SLFN12L: variants seen among roughly 807,000 people sequenced by gnomAD.
The protein encoded by SLFN12L is schlafen family member 12-like.
A neutral mutation model predicts 34.8 loss-of-function variants in SLFN12L; 34 were observed. That is an observed-to-expected ratio of 0.98 (90% CI 0.74 to 1.30). The LOEUF is 1.30. Ranked by LOEUF, SLFN12L falls within the 50% of genes most tolerant of loss-of-function variation. The probability of loss-of-function intolerance (pLI) is 0.00; values close to 1 mark genes in which losing one functional copy is unlikely to be tolerated. For missense variants in SLFN12L, 703 were observed against 696.2 expected (o/e 1.01, Z -0.11); for synonymous variants, 259 against 247.5 (o/e 1.05, Z -0.44).
rs745724479 is a variant in SLFN12L, at chr17:35,466,657, C to T, written c.*8266G>A. 6.6e-6 allele frequency among the ~76,000 whole-genome samples: 1 copy of T among 152,212 alleles called. No individual in the cohort carries two copies. The highest frequency in any genetic ancestry group is 2.4e-5 in the African/African-American group (1 of 41,452). On this transcript the variant is annotated 3_prime_UTR_variant, in exon 5 of 5. Coordinates refer to ENST00000628453, the MANE Select transcript of SLFN12L (RefSeq NM_001363830.2). The stretch of plus-strand genomic sequence containing the variant: ...GAGCTGTAACTCACAAATGAACCCA[C>T]TTTAAATGTGGCAGCCTCAAACAAA...
At chr17:35,531,494 A>G (rs568931503) in intron 1 of SLFN12L, among the ~76,000 whole-genome samples, 1 of 152,344 alleles carries the variant, frequency 6.6e-6, no homozygotes, top group African/African-American at 2.4e-5. Flanking sequence ...CATTTGTGAC[A>G]TACAAGCTTT....
intron 2 of SLFN12L, among the ~76,000 whole-genome samples, chr17:35,504,085 G>T (rs1915388229): frequency 6.6e-6 from 1 of 152,112 alleles, no homozygotes; most frequent in Non-Finnish European, 1.5e-5. Flanking sequence ...AGTCAATTTT[G>T]CCTCAAACTA....
chr17:35,511,362 G>T (rs1183961068), intron 2 of SLFN12L, among the ~76,000 whole-genome samples: 1 of 152,058 alleles, frequency 6.6e-6, no homozygotes, highest in African/African-American at 2.4e-5. Flanking sequence ...GCAAGAAGAT[G>T]GTAAAATAAA....
chr17:35,496,529 C>T lies in SLFN12L; in HGVS notation c.87-16334G>A, dbSNP rs560673230. Among the ~76,000 whole-genome samples, 174 of 145,442 alleles carry T rather than the reference C, an allele frequency of 1.2e-3. 1 individual carries two copies. The highest frequency in any genetic ancestry group is 2.1e-3 in the Non-Finnish European group (139 of 66,068). On this transcript the variant is annotated intron_variant, in intron 2 of 4. Transcript: ENST00000628453. ...TCCCCCCTCCCCACCGTCCCTCCGG[C>T]CCCTCCTTTCCCTTCCCTCCCCTCC...
At chr17:35,497,322 C>T (rs1388293245) in intron 2 of SLFN12L, among the ~76,000 whole-genome samples, 1 of 151,990 alleles carries the variant, frequency 6.6e-6, no homozygotes, top group African/African-American at 2.4e-5. Flanking sequence ...ACCCGGGAGG[C>T]GGAGGTTGCA....
intron 1 of SLFN12L, among the ~76,000 whole-genome samples, chr17:35,534,391 G>A (rs2142181567): frequency 6.6e-6 from 1 of 152,240 alleles, no homozygotes; most frequent in South Asian, 2.1e-4. Context: ...GGAAGCCATT[G>A]GAGGTTGTTA....
intron 2 of SLFN12L, chr17:35,491,191 G>A: frequency 1.1e-6 from 1 of 936,480 alleles, no homozygotes; most frequent in Middle Eastern, 2.2e-4. Context: ...TCTCTTTGAT[G>A]CCTATGATTT....
At position 35,479,497 on chromosome 17, in the gene SLFN12L, T is replaced by C. The variant is rs775648701; in HGVS notation, c.785A>G (p.Glu262Gly). The change falls in exon 3 of 5, where the codon GAG becomes GGG. Residue 262 changes from glutamate (E) to glycine (G), a missense_variant. Physicochemically the swap from Glu to Gly is moderately conservative, Grantham distance 98. Transcript: ENST00000628453. Reference sequence around the variant, plus strand: ...TGCAGAAACATATTGAGGGAGAATCTCTGTAATTCGTTGTAACAACTTTTC... The same window carrying C: ...TGCAGAAACATATTGAGGGAGAATCCCTGTAATTCGTTGTAACAACTTTTC... ...STEKLLQRIT[E>G]ILPQYVSAFA... 6.2e-7 allele frequency: 1 copy of C among 1,614,096 alleles called. No individual in the cohort carries two copies. Among genetic ancestry groups the C allele is most frequent in the African/African-American group, 1.3e-5 (1 of 74,942 alleles).
intron 1 of SLFN12L, among the ~76,000 whole-genome samples, chr17:35,530,511 A>AG (rs2072397006): frequency 5.2e-5 from 2 of 38,582 alleles, no homozygotes; most frequent in East Asian, 4.9e-4. Context: ...AAAGAAAGAA[A>AG]GAAAAGAAAA....
intron 2 of SLFN12L, among the ~76,000 whole-genome samples, chr17:35,489,709 A>G (rs1050300669): frequency 6.6e-6 from 1 of 152,176 alleles, no homozygotes; most frequent in Non-Finnish European, 1.5e-5. Context: ...AAGGAACATC[A>G]CATGATCATT....
rs1276547288 is a variant in SLFN12L, at chr17:35,479,830, G to T, written c.452C>A (p.Ser151Ter). 1 of 1,608,512 alleles carries T rather than the reference G, an allele frequency of 6.2e-7. No individual in the cohort carries two copies. The highest frequency in any genetic ancestry group is 1.3e-5 in the African/African-American group (1 of 74,788). The change falls in exon 3 of 5, where the codon TCA becomes TAA. Residue 151 changes from serine (S) to a stop codon, truncating the protein, a stop_gained. Transcript: ENST00000628453. LOFTEE classifies it high-confidence loss of function. ...CGGACCAGAGGTTTCCAAGCTCCAT[G>T]ATTTCACAAAAATGTGAAAGTAGTT... ...NGNYFHIFVK[S>*]WSLETSGPQI...
chr17:35,487,777 CTT>C lies in SLFN12L; in HGVS notation c.87-7584_87-7583del, dbSNP rs747879612. On this transcript the variant is annotated intron_variant, in intron 2 of 4. Coordinates refer to ENST00000628453, the MANE Select transcript of SLFN12L (RefSeq NM_001363830.2). ...TTCACCAAGTAGGGGGACCTGAGTT[CTT>C]TTCCACTTTCCTGCTCTCCGCGTCC... 1.0e-5 allele frequency: 16 copies of C among 1,535,624 alleles called. No individual in the cohort carries two copies. In the South Asian group the frequency reaches 1.8e-4, roughly 17 times the overall value.
chr17:35,521,751 T>G (rs1916002268), intron 2 of SLFN12L, among the ~76,000 whole-genome samples: 4 of 152,186 alleles, frequency 2.6e-5, no homozygotes. Context: ...GGCAGGCAAC[T>G]GGGTCCTAGC....
intron 2 of SLFN12L, among the ~76,000 whole-genome samples, chr17:35,498,018 TA>T (rs1053331581): frequency 6.6e-6 from 1 of 152,052 alleles, no homozygotes; most frequent in African/African-American, 2.4e-5. Context: ...ACCCTGGCTC[TA>T]AAAAATAATA....
Position 35,490,658 on chromosome 17 carries a change from G to T in SLFN12L, c.87-10463C>A, listed in dbSNP as rs931582565. 10 of 971,182 alleles carry T rather than the reference G, an allele frequency of 1.0e-5. 1 individual carries two copies. The highest frequency in any genetic ancestry group is 1.7e-5 in the Admixed American group (1 of 57,752). 60.2% of individuals were successfully genotyped at this position (971,182 alleles called of 1,614,324 possible). The stretch of plus-strand genomic sequence containing the variant: ...AAATTAGATGAACTGATCCCAAGCT[G>T]CACGCTGGACCTCAAACTATTAACC... On this transcript the variant is annotated intron_variant, in intron 2 of 4. Transcript: ENST00000628453.
chr17:35,531,194 T>G (rs1023743405), intron 1 of SLFN12L, among the ~76,000 whole-genome samples: 3 of 152,380 alleles, frequency 2.0e-5, no homozygotes, highest in South Asian at 2.1e-4. Flanking sequence ...AGTTTTGTTT[T>G]TCCTTGTTTT....
chr17:35,502,434 A>C (rs963880323), intron 2 of SLFN12L, among the ~76,000 whole-genome samples: 11 of 149,966 alleles, frequency 7.3e-5, no homozygotes, highest in Admixed American at 2.6e-4. Flanking sequence ...AAAAAAAAAA[A>C]AAAAAAAAAC....
At chr17:35,509,256 G>A (rs1295891714) in intron 2 of SLFN12L, among the ~76,000 whole-genome samples, 1 of 152,224 alleles carries the variant, frequency 6.6e-6, no homozygotes, top group African/African-American at 2.4e-5. Flanking sequence ...TGACGTTTGT[G>A]TCTCAGGCTT....
At chr17:35,487,607 G>T (rs1030380380) in intron 2 of SLFN12L, 18 of 1,107,220 alleles carry the variant, frequency 1.6e-5, no homozygotes, top group Non-Finnish European at 2.2e-5. Context: ...TTAAGCAACT[G>T]AAAGTTAAAC....
Sources: allele counts gnomAD v4.1 joint callset (sites outside exome capture counted in the v4.1 genomes callset), GRCh38; gene constraint gnomAD v4.1.1; transcripts MANE v1.5; gene names NCBI Gene and HGNC (gene_info 2026-07-23, HGNC 2026-07-21).